The following ME1 variants were observed in gnomAD, a reference collection of about 807,000 sequenced individuals.
The protein encoded by ME1 is malic enzyme 1.
ME1 carries 74 observed loss-of-function variants against 66.4 expected under a neutral mutation model. That is an observed-to-expected ratio of 1.11 (90% CI 0.92 to 1.35). The LOEUF (loss-of-function observed/expected upper bound fraction) is 1.35, where lower values mean the gene tolerates loss of function less well. ME1 is among the 40% of genes most tolerant of loss of function. ME1 has a pLI of 0.00. For synonymous variants in ME1, 251 were observed against 235.6 expected (o/e 1.07, Z -0.60); for missense variants, 750 against 694.1 (o/e 1.08, Z -0.90).
At chr6:83,375,593 C>A (rs1244953676) in intron 3 of ME1, among the ~76,000 whole-genome samples, 1 of 152,148 alleles carries the variant, frequency 6.6e-6, no homozygotes. Flanking sequence ...ATTTCTTTCT[C>A]TTTCCTGATT....
intron 2 of ME1, among the ~76,000 whole-genome samples, chr6:83,400,294 T>G (rs1769815708): frequency 6.6e-6 from 1 of 152,254 alleles, no homozygotes; most frequent in African/African-American, 2.4e-5. Flanking sequence ...GATGTGAGAT[T>G]TGGTTGGCAC....
chr6:83,272,819 T>C (rs1366812586), intron 6 of ME1, among the ~76,000 whole-genome samples: 5 of 152,220 alleles, frequency 3.3e-5, no homozygotes, highest in African/African-American at 9.6e-5. Flanking sequence ...TATATGTGTA[T>C]TTATGGAATT....
intron 5 of ME1, among the ~76,000 whole-genome samples, chr6:83,332,973 A>G (rs569782362): frequency 8.7e-4 from 133 of 152,312 alleles, no homozygotes; most frequent in African/African-American, 3.1e-3. Flanking sequence ...CTGTTTTGGC[A>G]TCTTAGTTCC....
intron 1 of ME1, among the ~76,000 whole-genome samples, chr6:83,409,811 G>T (rs1770012433): frequency 6.6e-6 from 1 of 152,320 alleles, no homozygotes; most frequent in South Asian, 2.1e-4. Flanking sequence ...CTAGTTGCAA[G>T]ATATTTTTCA....
intron 6 of ME1, among the ~76,000 whole-genome samples, chr6:83,274,115 G>A (rs1767133887): frequency 6.6e-6 from 1 of 152,132 alleles, no homozygotes. Context: ...ATGAAATATG[G>A]AGAAGAATAA....
chr6:83,298,931 G>GTTT lies in ME1; in HGVS notation c.704+16376_704+16378dup, dbSNP rs61055748. On this transcript the variant is annotated intron_variant, in intron 6 of 13. Transcript: ENST00000369705. ...TGCTGTTCCATTAGTCTATGTGTCT[G>GTTT]TTTTTTTTTTTTTTTTTTTTTTTTT... 7.6e-4 allele frequency among the ~76,000 whole-genome samples: 17 copies of GTTT among 22,492 alleles called. 3 individuals carry two copies. The highest frequency in any genetic ancestry group is 9.4e-4 in the African/African-American group (5 of 5,328). The allele number at this position is 22,492 out of a possible 152,430, so 14.8% of individuals were successfully genotyped here. A position where few individuals can be genotyped will look rare whatever the true frequency, so the allele number is the denominator to read the frequency against.
chr6:83,393,011 C>T, intron 3 of ME1: 3 of 1,086,584 alleles, frequency 2.8e-6, no homozygotes, highest in Non-Finnish European at 4.2e-6. Flanking sequence ...ATGGGGCTCT[C>T]CAGAACATCC....
At position 83,315,419 on chromosome 6, in the gene ME1, A is replaced by T. The variant is rs747997507; in HGVS notation, c.601-6T>A. On this transcript the variant is annotated splice_region_variant and splice_polypyrimidine_tract_variant and intron_variant, in intron 5 of 13. Transcript: ENST00000369705. Reference sequence around the variant, plus strand: ...AGTGGATCTTTAAGTAACTCCTATTAAAAAAAGTTACCATAAAAATAGAAA... The same window carrying T: ...AGTGGATCTTTAAGTAACTCCTATTTAAAAAAGTTACCATAAAAATAGAAA... The T allele has an allele frequency of 4.7e-6, 7 of 1,480,220 alleles. No homozygotes were observed. The highest frequency in any genetic ancestry group is 1.2e-5 in the South Asian group (1 of 83,102). 91.7% of individuals were successfully genotyped at this position (1,480,220 alleles called of 1,614,324 possible). A position where few individuals can be genotyped will look rare whatever the true frequency, so the allele number is the denominator to read the frequency against.
intron 6 of ME1, among the ~76,000 whole-genome samples, chr6:83,311,995 T>G (rs1767939582): frequency 6.6e-6 from 1 of 152,052 alleles, no homozygotes; most frequent in Non-Finnish European, 1.5e-5. Flanking sequence ...AGTCACAATC[T>G]CTTGCTCAGC....
intron 3 of ME1, chr6:83,393,212 C>G: frequency 8.7e-7 from 1 of 1,155,146 alleles, no homozygotes; most frequent in South Asian, 1.2e-5. Flanking sequence ...AGGACCCCCT[C>G]AAAGGCATCC....
intron 3 of ME1, among the ~76,000 whole-genome samples, chr6:83,372,091 C>T (rs1486648406): frequency 6.6e-6 from 1 of 152,028 alleles, no homozygotes. Flanking sequence ...TATTTTATTC[C>T]AATGACCTAA....
At chr6:83,341,195 CAT>C (rs1276502762) in intron 5 of ME1, among the ~76,000 whole-genome samples, 1 of 152,096 alleles carries the variant, frequency 6.6e-6, no homozygotes, top group Non-Finnish European at 1.5e-5. Context: ...CAGTGGGACA[CAT>C]GTTGATATTT....
At chr6:83,351,939 T>C (rs1180537883) in intron 4 of ME1, 125 bp downstream of exon 4, 1 of 492,822 alleles carries the variant, frequency 2.0e-6, no homozygotes, top group African/African-American at 2.0e-5. Context: ...ATAAATTAGG[T>C]GATATTCACT....
At chr6:83,305,052 T>A (rs1767800257) in intron 6 of ME1, among the ~76,000 whole-genome samples, 1 of 152,188 alleles carries the variant, frequency 6.6e-6, no homozygotes, top group African/African-American at 2.4e-5. Flanking sequence ...ATAAAAATGA[T>A]GCTAGTAATT....
In ME1 at chr6:83,212,030, G is replaced by A; in HGVS notation, c.1613C>T (p.Ala538Val). 1 of 1,612,806 alleles carries A rather than the reference G, an allele frequency of 6.2e-7. No individual in the cohort carries two copies. Residue 538 changes from alanine to valine, a missense_variant, in exon 14 of 14, where the codon GCA becomes GTA. Coordinates refer to ENST00000369705, the MANE Select transcript of ME1 (RefSeq NM_002395.6). The stretch of plus-strand genomic sequence containing the variant: ...ACTATACATCTGGGAGCGGACAAAT[G>A]CTTCTTTGTTTTGCGGTTCAGGATA... The part of the protein sequence containing the change: ...TVYPEPQNKE[A>V]FVRSQMYSTD...
chr6:83,341,954 A>G (rs1768593718), intron 5 of ME1, among the ~76,000 whole-genome samples: 1 of 152,154 alleles, frequency 6.6e-6, no homozygotes, highest in African/African-American at 2.4e-5. Flanking sequence ...TCCCCAACCA[A>G]TCACACTGAC....
chr6:83,224,764 A>T (rs1790158140), intron 11 of ME1, among the ~76,000 whole-genome samples: 1 of 151,392 alleles, frequency 6.6e-6, no homozygotes. Context: ...TCACATAGGA[A>T]ACAAACTCAT....
intron 6 of ME1, among the ~76,000 whole-genome samples, chr6:83,280,161 C>T (rs2128532782): frequency 6.6e-6 from 1 of 152,072 alleles, no homozygotes; most frequent in South Asian, 2.1e-4. Flanking sequence ...GATATTAGAT[C>T]CACATAAAGA....
intron 9 of ME1, among the ~76,000 whole-genome samples, chr6:83,231,448 T>G (rs1264334378): frequency 2.0e-5 from 3 of 152,146 alleles, no homozygotes; most frequent in Non-Finnish European, 4.4e-5. Context: ...AGGTCTTACT[T>G]GACAAAACAG....
Sources: allele counts gnomAD v4.1 joint callset (sites outside exome capture counted in the v4.1 genomes callset), GRCh38; gene constraint gnomAD v4.1.1; transcripts MANE v1.5; gene names NCBI Gene and HGNC (gene_info 2026-07-23, HGNC 2026-07-21).